EHD3: variants seen among roughly 807,000 people sequenced by gnomAD.
The protein encoded by EHD3 is EH domain-containing protein 3.
A neutral mutation model predicts 43.0 loss-of-function variants in EHD3; 17 were observed. That is an observed-to-expected ratio of 0.40 (90% CI 0.27 to 0.59). The LOEUF (loss-of-function observed/expected upper bound fraction) is 0.59, where lower values mean the gene tolerates loss of function less well. Ranked by LOEUF, EHD3 falls within the 20% of genes least tolerant of loss-of-function variation. EHD3 has a pLI of 0.49. For missense variants in EHD3, 594 were observed against 705.6 expected (o/e 0.84, Z 1.79); for synonymous variants, 313 against 289.5 (o/e 1.08, Z -0.82).
intron 1 of EHD3, among the ~76,000 whole-genome samples, chr2:31,240,381 A>G (rs1683401155): frequency 6.6e-6 from 1 of 152,236 alleles, no homozygotes; most frequent in African/African-American, 2.4e-5. Flanking sequence ...GAATCAGTGC[A>G]TGAGATTCCT....
At chr2:31,241,160 C>T (rs1413918206) in intron 1 of EHD3, among the ~76,000 whole-genome samples, 7 of 152,206 alleles carry the variant, frequency 4.6e-5, no homozygotes, top group Non-Finnish European at 8.8e-5. Flanking sequence ...TACACTCCTG[C>T]GTTTGTGGGC....
intron 3 of EHD3, among the ~76,000 whole-genome samples, chr2:31,253,218 C>T (rs1318326738): frequency 7.3e-6 from 1 of 137,634 alleles, no homozygotes; most frequent in African/African-American, 2.8e-5. Flanking sequence ...ATATACACAA[C>T]TCCCCTCTTC....
rs1347544073 is a variant in EHD3 at position 31,260,467 on chromosome 2, A to G, written c.503-43A>G. ...GACTGCTTCTCCAAACCCCTACCCT[A>G]TACCCCAAAGGCCCCAGCCCCTGAT... is the stretch of plus-strand genomic sequence containing the variant. On this transcript the variant is annotated intron_variant, in intron 3 of 5. Coordinates refer to ENST00000322054, the MANE Select transcript of EHD3 (RefSeq NM_014600.3). This position sits in a 1 kb window ranked among gnomAD's most constrained non-coding sequence, Gnocchi z 4.6. 3.0e-5 allele frequency: 47 copies of G among 1,554,382 alleles called. No homozygotes were observed. Among genetic ancestry groups the G allele is most frequent in the Non-Finnish European group, 4.0e-5 (46 of 1,147,142 alleles).
At position 31,266,616 on chromosome 2, in the gene EHD3, T is replaced by G; in HGVS notation, c.1520T>G (p.Leu507Arg). 6.2e-7 allele frequency: 1 copy of G among 1,613,978 alleles called. No individual in the cohort carries two copies. The highest frequency in any genetic ancestry group is 8.5e-7 in the Non-Finnish European group (1 of 1,179,990). The change falls in exon 6 of 6, where the codon CTC (leucine) becomes CGC (arginine). Residue 507 changes from leucine (L) to arginine (R), a missense_variant. Coordinates refer to ENST00000322054, the MANE Select transcript of EHD3 (RefSeq NM_014600.3). This position sits in a 1 kb window ranked among gnomAD's most constrained non-coding sequence, Gnocchi z 5.1. Reference sequence around the variant, plus strand: ...GACGAGTTTGCACTGGCCAACCACCTCATCAAAGTCAAGCTGGAGGGGCAC... The same window carrying G: ...GACGAGTTTGCACTGGCCAACCACCGCATCAAAGTCAAGCTGGAGGGGCAC... Reference protein sequence around the residue: ...DDDEFALANHLIKVKLEGHEL... With the variant: ...DDDEFALANHRIKVKLEGHEL...
Position 31,234,296 on chromosome 2 carries a change from C to T in EHD3, c.-326C>T, listed in dbSNP as rs1184980828. The T allele has an allele frequency of 1.9e-4, 8 of 41,040 alleles. No homozygotes were observed. The highest frequency in any genetic ancestry group is 4.0e-4 in the Non-Finnish European group (7 of 17,694). The allele number at this position is 41,040 out of a possible 1,614,324, so 2.5% of individuals were successfully genotyped here. A position where few individuals can be genotyped will look rare whatever the true frequency, so the allele number is the denominator to read the frequency against. ...AGGGCTGGGGGCCGATCGGGGACCC[C>T]GGCTTGGGACCCCGGCATCTGGCAG... On this transcript the variant is annotated 5_prime_UTR_variant, in exon 1 of 6. Transcript: ENST00000322054.
rs1683857625 is a variant in EHD3 at position 31,261,560 on chromosome 2, C to T, written c.927C>T (p.Tyr309=). The T allele has an allele frequency of 1.2e-6, 2 of 1,614,084 alleles. No homozygotes were observed. Among genetic ancestry groups the T allele is most frequent in the Admixed American group, 1.7e-5 (1 of 60,010 alleles). ...GCCCTGTTTGTCAGGTCCACGCCTA[C>T]ATCATCAGCTCTCTGAAGAAGGAGA... The part of the protein sequence containing the change: ...KRARLAKVHA[Y]IISSLKKEMP... The change falls in exon 5 of 6, where the codon TAC becomes TAT. Residue 309 remains tyrosine (Y), a synonymous_variant. Transcript: ENST00000322054.
rs1683977087 is a variant in EHD3 at position 31,267,475 on chromosome 2, TCA to T, written c.*772_*773del. 1 of 152,654 alleles carries T rather than the reference TCA, an allele frequency of 6.6e-6. No individual in the cohort carries two copies. The highest frequency in any genetic ancestry group is 1.5e-5 in the Non-Finnish European group (1 of 68,046). The allele number at this position is 152,654 out of a possible 1,614,324, so 9.5% of individuals were successfully genotyped here. A position where few individuals can be genotyped will look rare whatever the true frequency, so the allele number is the denominator to read the frequency against. On this transcript the variant is annotated 3_prime_UTR_variant, in exon 6 of 6. Transcript: ENST00000322054. ...CACCTGGCCTATGATGTTTAGATGT[TCA>T]TACTTGACTCACATTTACCCAGCCC...
chr2:31,251,007 A>G (rs1220990005), intron 3 of EHD3, among the ~76,000 whole-genome samples: 2 of 152,214 alleles, frequency 1.3e-5, no homozygotes, highest in African/African-American at 4.8e-5. Context: ...CTGCAAGAGC[A>G]TGGCCTGCCC....
chr2:31,257,636 T>A (rs569951318), intron 3 of EHD3, among the ~76,000 whole-genome samples: 1 of 152,306 alleles, frequency 6.6e-6, no homozygotes, highest in East Asian at 1.9e-4. Context: ...TGACATGAGA[T>A]AATGACATGA....
rs534640398 is a variant in EHD3, at chr2:31,245,708, T to G, written c.404+1258T>G. ...TCCCGAGTAGCTGGGATTACAGGCA[T>G]GTGCCACCACGCCCGACTAATTTTG... On this transcript the variant is annotated intron_variant, in intron 2 of 5. Coordinates refer to ENST00000322054, the MANE Select transcript of EHD3 (RefSeq NM_014600.3). Among the ~76,000 whole-genome samples the G allele has an allele frequency of 2.3e-3, 336 of 148,314 alleles. 1 individual carries two copies. The highest frequency in any genetic ancestry group is 8.8e-3 in the South Asian group (41 of 4,664).
chr2:31,249,632 G>A (rs1045482865), intron 3 of EHD3, among the ~76,000 whole-genome samples, 164 bp downstream of exon 3: 11 of 152,152 alleles, frequency 7.2e-5, no homozygotes, highest in Non-Finnish European at 1.3e-4. Context: ...GTCCTAGGCC[G>A]GGGTTGGCAG....
At chr2:31,265,936 C>G (rs1683939634) in intron 5 of EHD3, among the ~76,000 whole-genome samples, 1 of 152,154 alleles carries the variant, frequency 6.6e-6, no homozygotes, top group Non-Finnish European at 1.5e-5. Context: ...TCCCCAGCCC[C>G]TACAACCCTT....
chr2:31,260,377 A>G lies in EHD3; in HGVS notation c.503-133A>G. 1 of 903,092 alleles carries G rather than the reference A, an allele frequency of 1.1e-6. No homozygotes were observed. The allele number at this position is 903,092 out of a possible 1,614,324, so 55.9% of individuals were successfully genotyped here. A position where few individuals can be genotyped will look rare whatever the true frequency, so the allele number is the denominator to read the frequency against. ...ATTTGCTGGAGTCCAAACAGTTAAAATGTGGAGGAGCCAGGATTTAAACTT... is the reference window on the plus strand; with the variant it reads ...ATTTGCTGGAGTCCAAACAGTTAAAGTGTGGAGGAGCCAGGATTTAAACTT... On this transcript the variant is annotated intron_variant, in intron 3 of 5. Coordinates refer to ENST00000322054, the MANE Select transcript of EHD3 (RefSeq NM_014600.3). This position sits in a 1 kb window ranked among gnomAD's most constrained non-coding sequence, Gnocchi z 4.6.
chr2:31,241,346 G>A (rs1037867040), intron 1 of EHD3, among the ~76,000 whole-genome samples: 1 of 152,176 alleles, frequency 6.6e-6, no homozygotes, highest in Non-Finnish European at 1.5e-5. Flanking sequence ...GTAGTGGTTA[G>A]GAGCGTGAAC....
chr2:31,245,553 A>ATATATATTTT (rs1446415610), intron 2 of EHD3, among the ~76,000 whole-genome samples: 2 of 35,070 alleles, frequency 5.7e-5, no homozygotes, highest in African/African-American at 9.0e-5. Context: ...ATATATATAT[A>ATATATATTTT]TTTTTTTTTT....
chr2:31,248,150 T>C (rs1228806463), intron 2 of EHD3, among the ~76,000 whole-genome samples: 1 of 152,234 alleles, frequency 6.6e-6, no homozygotes, highest in Non-Finnish European at 1.5e-5. Flanking sequence ...GCACCTTAGA[T>C]TTCCAGGTTC....
At chr2:31,245,385 G>A (rs1683496822) in intron 2 of EHD3, among the ~76,000 whole-genome samples, 1 of 151,720 alleles carries the variant, frequency 6.6e-6, no homozygotes, top group Admixed American at 6.6e-5. Context: ...TAACCAACAG[G>A]TTAGTTAGTG....
chr2:31,234,292 ACCCCGGCTTGGG>A lies in EHD3; in HGVS notation c.-329_-318del, dbSNP rs1398078415. 1,136 of 42,612 alleles carry A rather than the reference ACCCCGGCTTGGG, an allele frequency of 0.027. 6 individuals are homozygous for A. The highest frequency in any genetic ancestry group is 0.031 in the Non-Finnish European group (566 of 18,380). The allele number at this position is 42,612 out of a possible 1,614,324, so 2.6% of individuals were successfully genotyped here. On this transcript the variant is annotated 5_prime_UTR_variant, in exon 1 of 6. Coordinates refer to ENST00000322054, the MANE Select transcript of EHD3 (RefSeq NM_014600.3). ...GGCGAGGGCTGGGGGCCGATCGGGG[ACCCCGGCTTGGG>A]ACCCCGGCATCTGGCAGTTTCCTTG...
rs536148912 is a variant in EHD3, at chr2:31,260,147, G to A, written c.503-363G>A. ...CCCCAGGAGGCAGAGGTTGCAGTGA[G>A]CAGAGGCAGTGCCACTACACTCCAG... On this transcript the variant is annotated intron_variant, in intron 3 of 5. Coordinates refer to ENST00000322054, the MANE Select transcript of EHD3 (RefSeq NM_014600.3). This position sits in a 1 kb window ranked among gnomAD's most constrained non-coding sequence, Gnocchi z 4.6. 1.3e-5 allele frequency among the ~76,000 whole-genome samples: 2 copies of A among 152,254 alleles called. No individual in the cohort carries two copies. The highest frequency in any genetic ancestry group is 2.1e-4 in the South Asian group (1 of 4,818).
Sources: allele counts gnomAD v4.1 joint callset (sites outside exome capture counted in the v4.1 genomes callset), GRCh38; gene constraint gnomAD v4.1.1; non-coding constraint Gnocchi (gnomAD v3.1); transcripts MANE v1.5; gene names NCBI Gene and HGNC (gene_info 2026-07-23, HGNC 2026-07-21).